XNDC1N: variants seen among roughly 807,000 people sequenced by gnomAD.
XNDC1N encodes the protein XRCC1 N-terminal domain containing 1, N-terminal like.
the XNDC1N span, among the ~76,000 whole-genome samples, chr11:71,880,931 A>G: frequency 3.9e-5 from 6 of 152,316 alleles, no homozygotes; most frequent in Admixed American, 2.6e-4. Flanking sequence ...GTGTCTTAAC[A>G]TATGGTCTAG....
At chr11:71,870,520 C>T in the XNDC1N span, among the ~76,000 whole-genome samples, 2 of 152,032 alleles carry the variant, frequency 1.3e-5, no homozygotes, top group East Asian at 3.8e-4. Flanking sequence ...ACAGACAATG[C>T]AAGCAAAAAT....
chr11:71,900,661 G>A, the XNDC1N span, among the ~76,000 whole-genome samples: 3 of 152,162 alleles, frequency 2.0e-5, no homozygotes, highest in African/African-American at 7.2e-5. Context: ...AGATTATGAA[G>A]GTGATGATGA....
chr11:71,925,259 G>A, the XNDC1N span, among the ~76,000 whole-genome samples: 2 of 151,878 alleles, frequency 1.3e-5, no homozygotes, highest in African/African-American at 2.4e-5. Context: ...CAGGTTTCAC[G>A]TCTGAATCAT....
chr11:71,901,091 T>A, the XNDC1N span, among the ~76,000 whole-genome samples: 5 of 152,250 alleles, frequency 3.3e-5, no homozygotes, highest in South Asian at 6.2e-4. Context: ...AAAGGACAGC[T>A]GAGATCACAT....
chr11:71,901,233 T>C, the XNDC1N span, among the ~76,000 whole-genome samples: 2 of 152,274 alleles, frequency 1.3e-5, no homozygotes, highest in Non-Finnish European at 2.9e-5. Flanking sequence ...TCCATTCCTA[T>C]TGAGGAAGCT....
chr11:71,908,398 A>T, the XNDC1N span, among the ~76,000 whole-genome samples: 2 of 152,002 alleles, frequency 1.3e-5, no homozygotes, highest in Non-Finnish European at 2.9e-5. Context: ...TATTGATTTT[A>T]AAAATTATAT....
the XNDC1N span, among the ~76,000 whole-genome samples, chr11:71,897,241 A>G: frequency 2.0e-5 from 3 of 152,224 alleles, no homozygotes; most frequent in Non-Finnish European, 4.4e-5. Context: ...TTACATATAA[A>G]TGACAGACAC....
At chr11:71,897,238 T>C in the XNDC1N span, among the ~76,000 whole-genome samples, 96 of 152,280 alleles carry the variant, frequency 6.3e-4, no homozygotes, top group African/African-American at 2.3e-3. Context: ...GGATTACATA[T>C]AAATGACAGA....
At chr11:71,904,195 T>C in the XNDC1N span, 4 of 411,824 alleles carry the variant, frequency 9.7e-6, no homozygotes, top group East Asian at 2.8e-4. Context: ...CAAATAAGAA[T>C]GATATCACAG....
At chr11:71,875,678 A>G in the XNDC1N span, among the ~76,000 whole-genome samples, 2 of 152,184 alleles carry the variant, frequency 1.3e-5, no homozygotes, top group African/African-American at 2.4e-5. Flanking sequence ...TGTTTTTAAC[A>G]TGGCAGGAAC....
the XNDC1N span, among the ~76,000 whole-genome samples, chr11:71,887,977 G>A: frequency 9.2e-5 from 14 of 152,296 alleles, no homozygotes; most frequent in Middle Eastern, 3.4e-3. Flanking sequence ...CTTGGACCGG[G>A]CTTCCCCAAG....
the XNDC1N span, chr11:71,928,274 G>A: frequency 3.5e-6 from 2 of 570,592 alleles, no homozygotes; most frequent in Non-Finnish European, 6.2e-6. Flanking sequence ...ACAGCTCATC[G>A]GGAACAGGCT....
chr11:71,899,916 C>G, the XNDC1N span, among the ~76,000 whole-genome samples: 20 of 152,210 alleles, frequency 1.3e-4, no homozygotes, highest in Admixed American at 7.9e-4. Flanking sequence ...GGTATAAAAC[C>G]CGATTGTACA....
At chr11:71,898,039 A>G in the XNDC1N span, among the ~76,000 whole-genome samples, 16 of 152,112 alleles carry the variant, frequency 1.1e-4, no homozygotes, top group African/African-American at 3.6e-4. Context: ...AAAAAATGAA[A>G]CGAGCGTGGT....
chr11:71,902,529 G>C, the XNDC1N span, among the ~76,000 whole-genome samples: 727 of 152,312 alleles, frequency 4.8e-3, 6 homozygotes, highest in African/African-American at 0.017. Context: ...CCTAAGCTAA[G>C]GACAGGAGTT....
chr11:71,895,872 C>G, the XNDC1N span, among the ~76,000 whole-genome samples: 3 of 152,306 alleles, frequency 2.0e-5, no homozygotes, highest in South Asian at 6.2e-4. Context: ...AAGGAAGAAA[C>G]TCCTCTCCAC....
the XNDC1N span, chr11:71,865,955 A>G: frequency 5.8e-6 from 2 of 347,388 alleles, no homozygotes; most frequent in East Asian, 9.5e-5. Flanking sequence ...AAACCACTAT[A>G]GTAAAGAAAT....
the XNDC1N span, among the ~76,000 whole-genome samples, chr11:71,872,280 C>T: frequency 6.6e-6 from 1 of 152,218 alleles, no homozygotes; most frequent in Non-Finnish European, 1.5e-5. Context: ...AGTTAAGCCT[C>T]ATCCCACAGA....
chr11:71,874,295 A>G, the XNDC1N span, among the ~76,000 whole-genome samples: 14 of 152,346 alleles, frequency 9.2e-5, no homozygotes, highest in African/African-American at 3.4e-4. Flanking sequence ...ACTCCAGCCT[A>G]GGTAACAGAG....
Sources: gnomAD v4.1 joint callset for allele counts (sites outside exome capture counted in the v4.1 genomes callset) on GRCh38, gnomAD v4.1.1 for gene constraint, MANE v1.5 for transcripts, NCBI Gene and HGNC (gene_info 2026-07-23, HGNC 2026-07-21) for gene names.